Variants in PDE4D observed in about 807,000 individuals in gnomAD.
PDE4D encodes 3',5'-cyclic-AMP phosphodiesterase 4D.
In PDE4D, 24 loss-of-function variants were observed where a neutral mutation model predicts 87.4. The observed-to-expected ratio is 0.27, with a 90% CI of 0.20 to 0.39. PDE4D has a LOEUF of 0.39. Among genes scored for constraint, PDE4D ranks in the 10% least tolerant of loss-of-function variants. The pLI is 1.00. For missense variants in PDE4D, 714 were observed against 1,041.0 expected (o/e 0.69, Z 4.32); for synonymous variants, 384 against 383.2 (o/e 1.00, Z -0.02).
chr5:59,592,255 C>CAGGAGTGGAAAGTCATG, intron 1 of PDE4D: 1 of 505,694 alleles, frequency 2.0e-6, no homozygotes, highest in Non-Finnish European at 2.6e-6. Context: ...CATGACTTTC[C>CAGGAGTGGAAAGTCATG]ACTCCTGGCA....
chr5:59,507,408 T>C (rs532358462), intron 1 of PDE4D, among the ~76,000 whole-genome samples: 172 of 151,788 alleles, frequency 1.1e-3, no homozygotes, highest in African/African-American at 4.0e-3. Flanking sequence ...AAGATGAAAA[T>C]GAACTACAAC....
intron 1 of PDE4D, among the ~76,000 whole-genome samples, chr5:59,229,283 C>G (rs1019007113): frequency 6.6e-6 from 1 of 152,018 alleles, no homozygotes; most frequent in Non-Finnish European, 1.5e-5. Flanking sequence ...TTTTCTATAC[C>G]GGTTATCATT....
At chr5:59,334,764 C>T (rs1310858946) in intron 1 of PDE4D, among the ~76,000 whole-genome samples, 2 of 151,764 alleles carry the variant, frequency 1.3e-5, no homozygotes, top group East Asian at 1.9e-4. Context: ...GTCTTCTCCT[C>T]ACCTCCCCAT....
In PDE4D at chr5:58,976,419, A is replaced by T. The variant is rs1363700924; in HGVS notation, c.1761T>A (p.Thr587=). ...TTGTCACTTTCTTAGTTTCAACCAT[A>T]GTCTTCAAATCAGCCAGTAGATTCA... ...KHMNLLADLK[T]MVETKKVTSS... The change falls in exon 13 of 15, where the codon ACT becomes ACA. Residue 587 remains threonine, a synonymous_variant. Coordinates refer to ENST00000340635, the MANE Select transcript of PDE4D (RefSeq NM_001104631.2). The T allele has an allele frequency of 6.2e-7, 1 of 1,602,728 alleles. No individual in the cohort carries two copies. The highest frequency in any genetic ancestry group is 1.7e-5 in the Admixed American group (1 of 58,516).
At chr5:59,394,299 GA>G (rs1165285215) in intron 1 of PDE4D, among the ~76,000 whole-genome samples, 1 of 152,214 alleles carries the variant, frequency 6.6e-6, no homozygotes, top group African/African-American at 2.4e-5. Context: ...CATAGTTTGT[GA>G]AAGGGAAATT....
At chr5:60,335,070 A>G (rs183298856) in intron 1 of PDE4D, 56 of 152,356 alleles carry the variant, frequency 3.7e-4, no homozygotes, top group African/African-American at 1.3e-3. Flanking sequence ...TTAAAAAATA[A>G]AAGATGCCTA....
chr5:60,417,571 T>C lies in PDE4D; in HGVS notation c.-90+70371A>G, dbSNP rs138119676. Among the ~76,000 whole-genome samples the C allele has an allele frequency of 6.6e-3, 1,009 of 152,254 alleles. 11 individuals are homozygous for C. Among genetic ancestry groups the C allele is most frequent in the African/African-American group, 0.023 (952 of 41,520 alleles). ...AGTGTTTTATAATAAGTTGGAACAA[T>C]AGGCCAGGAAGGGTATTTGACAGGA... On this transcript the variant is annotated intron_variant, in intron 1 of 16. Transcript: ENST00000502484.
intron 1 of PDE4D, among the ~76,000 whole-genome samples, chr5:60,222,204 T>C (rs191445656): frequency 6.6e-6 from 1 of 152,204 alleles, no homozygotes; most frequent in East Asian, 1.9e-4. Context: ...AGGAGGACAC[T>C]CACGCAGCAG....
chr5:60,408,044 A>G (rs1422108488), intron 1 of PDE4D, among the ~76,000 whole-genome samples: 2 of 152,040 alleles, frequency 1.3e-5, no homozygotes, highest in Admixed American at 6.6e-5. Context: ...ACAACATGCA[A>G]CCACCAGGCT....
chr5:59,037,769 C>T (rs77181494), intron 6 of PDE4D, among the ~76,000 whole-genome samples: 1,790 of 152,048 alleles, frequency 0.012, 19 homozygotes, highest in Non-Finnish European at 0.019. Flanking sequence ...AATCAAGTGG[C>T]TGTTATGCCG....
At chr5:60,174,228 C>T (rs186925530) in intron 2 of PDE4D, among the ~76,000 whole-genome samples, 65 of 152,122 alleles carry the variant, frequency 4.3e-4, no homozygotes, top group Admixed American at 1.7e-3. Context: ...TGTCTTCATA[C>T]CTTAAAATAT....
intron 1 of PDE4D, among the ~76,000 whole-genome samples, chr5:59,410,609 G>A (rs781414107): frequency 6.6e-5 from 10 of 152,028 alleles, no homozygotes; most frequent in Non-Finnish European, 1.2e-4. Context: ...TTATCTTTCT[G>A]TACCTGGCTT....
chr5:59,031,657 G>A (rs1443614675), intron 6 of PDE4D, among the ~76,000 whole-genome samples: 3 of 119,878 alleles, frequency 2.5e-5, no homozygotes, highest in Admixed American at 1.1e-4. Flanking sequence ...GCAGTGAGCC[G>A]AGATCACACC....
At chr5:60,070,317 G>A (rs947819780) in intron 2 of PDE4D, among the ~76,000 whole-genome samples, 1 of 151,994 alleles carries the variant, frequency 6.6e-6, no homozygotes, top group South Asian at 2.1e-4. Context: ...CGTTAGTGAT[G>A]GGCATTTAAT....
intron 1 of PDE4D, among the ~76,000 whole-genome samples, chr5:60,444,829 C>A (rs1745516129): frequency 6.6e-6 from 1 of 150,616 alleles, no homozygotes; most frequent in South Asian, 2.1e-4. Context: ...GGGGGTCTGA[C>A]TTTCTTCCTG....
intron 2 of PDE4D, among the ~76,000 whole-genome samples, chr5:59,996,970 T>C (rs2152836103): frequency 6.6e-6 from 1 of 152,230 alleles, no homozygotes; most frequent in African/African-American, 2.4e-5. Context: ...GCCAATTTCC[T>C]ATAACTCAGT....
chr5:59,687,559 C>A (rs189888995), intron 1 of PDE4D, among the ~76,000 whole-genome samples: 182 of 152,210 alleles, frequency 1.2e-3, no homozygotes, highest in African/African-American at 4.2e-3. Context: ...AGAAGAGCTC[C>A]TGAAGGAAGT....
chr5:59,970,620 T>C (rs1424634265), intron 3 of PDE4D, among the ~76,000 whole-genome samples: 1 of 151,760 alleles, frequency 6.6e-6, no homozygotes, highest in Non-Finnish European at 1.5e-5. Context: ...TCACCATCAC[T>C]GGCCATCAGA....
At chr5:59,995,575 T>C (rs1188475569) in intron 2 of PDE4D, among the ~76,000 whole-genome samples, 7 of 152,132 alleles carry the variant, frequency 4.6e-5, no homozygotes, top group Non-Finnish European at 1.0e-4. Context: ...CGCCTCGGCC[T>C]CCCAAAGTGC....
Sources: allele counts gnomAD v4.1 joint callset (sites outside exome capture counted in the v4.1 genomes callset), GRCh38; gene constraint gnomAD v4.1.1; transcripts MANE v1.5; gene names NCBI Gene and HGNC (gene_info 2026-07-23, HGNC 2026-07-21).